Variants in IGSF1 observed in about 807,000 individuals in gnomAD.
The protein encoded by IGSF1 is immunoglobulin superfamily member 1.
Under a neutral mutation model 95.3 loss-of-function variants are expected in IGSF1, and 40 were observed. The observed-to-expected ratio is 0.42, with a 90% CI of 0.33 to 0.55. The LOEUF is 0.55. Ranked by LOEUF, IGSF1 falls within the 20% of genes least tolerant of loss-of-function variation. The pLI is 0.10. For synonymous variants in IGSF1, 372 were observed against 382.9 expected, an observed-to-expected ratio of 0.97 and a Z score of 0.33; for missense variants, 906 against 1,025.4, an observed-to-expected ratio of 0.88 and a Z score of 1.59.
In IGSF1 at chrX:131,277,874, G is replaced by T. The variant is rs1451184857; in HGVS notation, c.2302C>A (p.Leu768Met). 2 of 1,208,849 alleles carry T rather than the reference G, an allele frequency of 1.7e-6. No individual in the cohort carries two copies. Among genetic ancestry groups the T allele is most frequent in the Non-Finnish European group, 2.2e-6 (2 of 894,354 alleles). The change falls in exon 13 of 20, where the codon CTG becomes ATG. Residue 768 changes from leucine (L) to methionine (M), a missense_variant. By Grantham distance (15) the Leu-to-Met change is conservative (BLOSUM62 2). Coordinates refer to ENST00000361420, the MANE Select transcript of IGSF1 (RefSeq NM_001555.5). ...PFKWSEPSEP[L>M]ELVIKEMYPK... ...GCTCTACCTTTTATGACAAGCTCCA[G>T]CGGCTCACTGGGCTCAGACCACTTG...
chrX:131,278,874 T>A (rs2080514266), intron 11 of IGSF1, 123 bp from the exon 12 acceptor site: 1 of 642,819 alleles, frequency 1.6e-6, no homozygotes, highest in Non-Finnish European at 2.4e-6. Flanking sequence ...TCCAAACCCT[T>A]TCCTTCTTTC....
Position 131,279,132 on chromosome X carries a change from G to A in IGSF1, c.1750+11C>T, listed in dbSNP as rs778270205. ...GGAGGAATGTCCCAGTCTGGAGCAG[G>A]AAAAACTCACCAGTCTCTTCTATCA... On this transcript the variant is annotated intron_variant, in intron 11 of 19. Coordinates refer to ENST00000361420, the MANE Select transcript of IGSF1 (RefSeq NM_001555.5). 3 of 1,202,974 alleles carry A rather than the reference G, an allele frequency of 2.5e-6. No individual in the cohort carries two copies.
chrX:131,283,203 G>C lies in IGSF1; in HGVS notation c.729C>G (p.Ser243Arg). The C allele has an allele frequency of 8.3e-7, 1 of 1,210,225 alleles. No individual in the cohort carries two copies. The highest frequency in any genetic ancestry group is 3.0e-5 in the East Asian group (1 of 33,841). The change falls in exon 6 of 20, where the codon AGC becomes AGG. Residue 243 changes from serine (S) to arginine (R), a missense_variant. Transcript: ENST00000361420. The part of the protein sequence containing the change: ...HPGPIMAPGE[S>R]LNLRCQGPIY... ...TTGGCCCTTGGCACCTGAGATTCAG[G>C]CTTTCTCCAGGTGCCATGATGGGCC...
chrX:131,279,985 G>A (rs2080532854), intron 9 of IGSF1, among the ~76,000 whole-genome samples: 1 of 111,703 alleles, frequency 9.0e-6, no homozygotes, highest in African/African-American at 3.3e-5. Context: ...AGTATTAGAT[G>A]ATATTAACCC....
In IGSF1 at chrX:131,285,422, CG is replaced by C; in HGVS notation, c.423del (p.Ala142LeufsTer48). On this transcript the variant is annotated frameshift_variant, in exon 5 of 20. Coordinates refer to ENST00000361420, the MANE Select transcript of IGSF1 (RefSeq NM_001555.5). LOFTEE classifies it high-confidence loss of function. ...ATGTTAACATTACACCCAGGAAGAG[CG>C]GGGGTCTCAGCCTGAATCCAGAAGA... ...KPIFWIQAET[P>X]ALPGCNVNIL... The C allele has an allele frequency of 1.7e-6, 2 of 1,208,290 alleles. No individual in the cohort carries two copies. Among genetic ancestry groups the C allele is most frequent in the Non-Finnish European group, 2.2e-6 (2 of 893,103 alleles).
In IGSF1 at chrX:131,273,671, C is replaced by T. The variant is rs2080442255; in HGVS notation, c.*125G>A. ...CTCTCAACTCCCAGAATCCCCTTTA[C>T]CCAGCTCAGGTGATTAGAGACCAAG... On this transcript the variant is annotated 3_prime_UTR_variant, in exon 20 of 20. Coordinates refer to ENST00000361420, the MANE Select transcript of IGSF1 (RefSeq NM_001555.5). 1.5e-6 allele frequency: 1 copy of T among 687,420 alleles called. No individual in the cohort carries two copies. Among genetic ancestry groups the T allele is most frequent in the South Asian group, 2.8e-5 (1 of 35,455 alleles). 56.7% of individuals were successfully genotyped at this position (687,420 alleles called of 1,213,427 possible). A position where few individuals can be genotyped will look rare whatever the true frequency, so the allele number is the denominator to read the frequency against.
At chrX:131,284,097 A>G (rs984435904) in intron 5 of IGSF1, 29 of 717,041 alleles carry the variant, frequency 4.0e-5, no homozygotes, top group Non-Finnish European at 4.8e-5. Context: ...TACAACAAAC[A>G]TTCATACACT....
chrX:131,283,611 T>C (rs921194753), intron 5 of IGSF1, among the ~76,000 whole-genome samples: 3 of 112,350 alleles, frequency 2.7e-5, no homozygotes, highest in Non-Finnish European at 3.8e-5. Context: ...TAACATTGTT[T>C]TCATCTTTGC....
At chrX:131,284,977 A>G in intron 5 of IGSF1, 3 of 801,981 alleles carry the variant, frequency 3.7e-6, no homozygotes, top group Non-Finnish European at 4.9e-6. Flanking sequence ...TTTACTAGCC[A>G]AATGATTGGC....
intron 4 of IGSF1, 124 bp downstream of exon 4, chrX:131,285,643 T>C: frequency 1.2e-6 from 1 of 836,819 alleles, no homozygotes; most frequent in African/African-American, 2.0e-5. Context: ...CAATACAAAG[T>C]AGGCCCTTAT....
rs982190685 is a variant in IGSF1, at chrX:131,274,186, T to C, written c.3772A>G (p.Thr1258Ala). The C allele has an allele frequency of 1.7e-6, 2 of 1,211,297 alleles. No individual in the cohort carries two copies. The highest frequency in any genetic ancestry group is 2.2e-6 in the Non-Finnish European group (2 of 895,238). The change falls in exon 19 of 20, where the codon ACT becomes GCT. Residue 1258 changes from threonine (T) to alanine (A), a missense_variant. Coordinates refer to ENST00000361420, the MANE Select transcript of IGSF1 (RefSeq NM_001555.5). The stretch of plus-strand genomic sequence containing the variant: ...CTACTTCGGACAATGTTCCCTACAG[T>C]GCACTCCTGAGCAACAGGCCCTGTG... ...GAAGPVAQEC[T>A]VGNIVRSSLI... is the part of the protein sequence containing the mutation.
chrX:131,277,838 C>A lies in IGSF1; in HGVS notation c.2320+18G>T. 1 of 1,200,328 alleles carries A rather than the reference C, an allele frequency of 8.3e-7. No homozygotes were observed. Among genetic ancestry groups the A allele is most frequent in the Non-Finnish European group, 1.1e-6 (1 of 888,222 alleles). ...CTCCACCCTGCCCCCTTTCCTCCCA[C>A]ACCCTTTTCAGCTCTACCTTTTATG... On this transcript the variant is annotated intron_variant, in intron 13 of 19. Coordinates refer to ENST00000361420, the MANE Select transcript of IGSF1 (RefSeq NM_001555.5).
chrX:131,280,334 A>G (rs1375251791), intron 9 of IGSF1, among the ~76,000 whole-genome samples: 1 of 111,572 alleles, frequency 9.0e-6, no homozygotes, highest in Non-Finnish European at 1.9e-5. Context: ...CTCAGATTCC[A>G]GTGGAAAACA....
At position 131,286,422 on chromosome X, in the gene IGSF1, G is replaced by C; in HGVS notation, c.97+15C>G. 8.4e-7 allele frequency: 1 copy of C among 1,184,933 alleles called. No individual in the cohort carries two copies. The highest frequency in any genetic ancestry group is 1.1e-6 in the Non-Finnish European group (1 of 871,170). ...CTTTAGGAAGGAGGTGCCTGAGAGG[G>C]CAGGACTCACTTACCTATTGATGTC... On this transcript the variant is annotated intron_variant, in intron 3 of 19. Coordinates refer to ENST00000361420, the MANE Select transcript of IGSF1 (RefSeq NM_001555.5).
Position 131,273,807 on chromosome X carries a change from C to T in IGSF1, c.4000G>A (p.Val1334Ile), listed in dbSNP as rs200440710. The change falls in exon 20 of 20, where the codon GTT becomes ATT. Residue 1334 changes from valine to isoleucine, a missense_variant. Transcript: ENST00000361420. ...TSQRISVELP[V>I]PI Reference sequence around the variant, plus strand: ...AAAGGAGGAGATTATTATATTGGAACGGGCAGTTCCACAGAGATTCTCTGA... The same window carrying T: ...AAAGGAGGAGATTATTATATTGGAATGGGCAGTTCCACAGAGATTCTCTGA... The T allele has an allele frequency of 6.1e-5, 74 of 1,205,645 alleles. No individual in the cohort carries two copies. The Middle Eastern group carries it at 1.2e-3, about 19-fold the overall frequency.
Position 131,279,205 on chromosome X carries a change from C to T in IGSF1, c.1718-30G>A, listed in dbSNP as rs759338343. The T allele has an allele frequency of 8.3e-6, 10 of 1,210,408 alleles. No homozygotes were observed. The East Asian group carries it at 8.9e-5, about 11-fold the overall frequency. ...AAAAGAAATTGCTGCCAGGACTCGG[C>T]CCCCTCCCCCACCGGGACTTCACCC... On this transcript the variant is annotated intron_variant, in intron 10 of 19. Transcript: ENST00000361420.
chrX:131,285,847 T>A lies in IGSF1; in HGVS notation c.299A>T (p.Asn100Ile). ...SFLIGALTESNAGLYRCCYWK... is the reference protein window; with the variant it reads ...SFLIGALTESIAGLYRCCYWK... ...GTAGCAGCACCGGTAAAGACCTGCA[T>A]TGGACTCAGTAAGGGCACCTATAAG... The change falls in exon 4 of 20, where the codon AAT (asparagine) becomes ATT (isoleucine). Residue 100 changes from asparagine to isoleucine, a missense_variant. Around this residue, in one of 5 missense-constraint regions of IGSF1, gnomAD observed 442 missense variants for 448.1 expected, o/e 0.99. Coordinates refer to ENST00000361420, the MANE Select transcript of IGSF1 (RefSeq NM_001555.5). The A allele has an allele frequency of 8.3e-7, 1 of 1,210,596 alleles. No individual in the cohort carries two copies. The highest frequency in any genetic ancestry group is 3.0e-5 in the East Asian group (1 of 33,825).
At position 131,277,900 on chromosome X, in the gene IGSF1, A is replaced by G. The variant is rs767602109; in HGVS notation, c.2276T>C (p.Phe759Ser). 3.3e-6 allele frequency: 4 copies of G among 1,210,308 alleles called. No homozygotes were observed. The highest frequency in any genetic ancestry group is 4.5e-6 in the Non-Finnish European group (4 of 895,273). The change falls in exon 13 of 20, where the codon TTC (phenylalanine) becomes TCC (serine). Residue 759 changes from phenylalanine (F) to serine (S), a missense_variant. Phe to Ser is a radical substitution (Grantham distance 155, BLOSUM62 -2). Coordinates refer to ENST00000361420, the MANE Select transcript of IGSF1 (RefSeq NM_001555.5). ...SCRTHTEKRP[F>S]KWSEPSEPLE... is the part of the protein sequence containing the mutation. Reference sequence around the variant, plus strand: ...CGGCTCACTGGGCTCAGACCACTTGAAGGGGCGTTTTTCAGTGTGAGTGCG... The same window carrying G: ...CGGCTCACTGGGCTCAGACCACTTGGAGGGGCGTTTTTCAGTGTGAGTGCG...
intron 4 of IGSF1, 35 bp from the exon 5 acceptor site, chrX:131,285,501 C>A: frequency 8.5e-7 from 1 of 1,178,818 alleles, no homozygotes; most frequent in Non-Finnish European, 1.1e-6. Context: ...TTAGGTAAAG[C>A]AAGGATAGTA....
Sources: allele counts gnomAD v4.1 joint callset (sites outside exome capture counted in the v4.1 genomes callset), GRCh38; gene constraint gnomAD v4.1.1; regional missense constraint gnomAD v4.1.1; transcripts MANE v1.5; gene names NCBI Gene and HGNC (gene_info 2026-07-23, HGNC 2026-07-21).